PAMR1: variants seen among roughly 807,000 people sequenced by gnomAD.
PAMR1 encodes inactive serine protease PAMR1.
In PAMR1, 88 loss-of-function variants were observed where a neutral mutation model predicts 81.8. That is an observed-to-expected ratio of 1.08 (90% CI 0.91 to 1.28). The LOEUF is 1.28. PAMR1 is among the 50% of genes most tolerant of loss of function. PAMR1 has a pLI of 0.00. For missense variants in PAMR1, 935 were observed against 919.7 expected, an observed-to-expected ratio of 1.02 and a Z score of -0.21; for synonymous variants, 336 against 345.3, an observed-to-expected ratio of 0.97 and a Z score of 0.30.
At chr11:35,486,325 G>GT (rs1233247358) in intron 3 of PAMR1, among the ~76,000 whole-genome samples, 3 of 152,270 alleles carry the variant, frequency 2.0e-5, no homozygotes, top group African/African-American at 7.2e-5. Flanking sequence ...CCATTAGTTT[G>GT]TTTTTTCAAT....
At chr11:35,497,662 T>C (rs1850751916) in intron 1 of PAMR1, among the ~76,000 whole-genome samples, 1 of 152,208 alleles carries the variant, frequency 6.6e-6, no homozygotes, top group South Asian at 2.1e-4. Flanking sequence ...TATATCTTCC[T>C]ATAGGTAAAA....
chr11:35,473,738 C>A (rs569188935), intron 4 of PAMR1, among the ~76,000 whole-genome samples: 1 of 152,240 alleles, frequency 6.6e-6, no homozygotes, highest in South Asian at 2.1e-4. Flanking sequence ...CATGTGGTAA[C>A]CTCTGTGTCC....
chr11:35,530,078 A>AGCCAGAGGAAACAG (rs1163599403), upstream of PAMR1: 27 of 152,376 alleles, frequency 1.8e-4, 1 homozygote, highest in Admixed American at 1.7e-3. Flanking sequence ...ACACTGGGAA[A>AGCCAGAGGAAACAG]GCCAGAGGAA....
chr11:35,497,698 A>G (rs141844784), intron 1 of PAMR1, among the ~76,000 whole-genome samples: 30 of 152,316 alleles, frequency 2.0e-4, no homozygotes, highest in African/African-American at 7.0e-4. Context: ...ATAAACCCTA[A>G]GACCATGTTG....
chr11:35,520,206 G>A (rs1851245894), intron 1 of PAMR1, among the ~76,000 whole-genome samples: 1 of 152,122 alleles, frequency 6.6e-6, no homozygotes, highest in African/African-American at 2.4e-5. Context: ...ATGCCTTGAT[G>A]TGCAACCCCT....
At chr11:35,498,274 G>C in intron 1 of PAMR1, among the ~76,000 whole-genome samples, 1 of 152,146 alleles carries the variant, frequency 6.6e-6, no homozygotes, top group East Asian at 1.9e-4. Flanking sequence ...GAGAGTGAGA[G>C]AGAACAAATT....
Position 35,474,692 on chromosome 11 carries a change from A to T in PAMR1, c.432T>A (p.Tyr144Ter), listed in dbSNP as rs1850254318. 1.2e-6 allele frequency: 2 copies of T among 1,611,086 alleles called. No homozygotes were observed. Among genetic ancestry groups the T allele is most frequent in the East Asian group, 2.2e-5 (1 of 44,768 alleles). Residue 144 changes from tyrosine (Y) to a stop codon, truncating the protein, a stop_gained, in exon 4 of 11, where the codon TAT (tyrosine) becomes TAA (stop). Coordinates refer to ENST00000619888, the MANE Select transcript of PAMR1 (RefSeq NM_001001991.3). LOFTEE classifies it high-confidence loss of function. ...APKGQILLES[Y>*]PLNAHCEWTI... is the part of the protein sequence containing the mutation. ...TCCATTCACAGTGAGCATTTAGGGGATAGCTTTCCAACAAAATCTGACCCT... is the reference window on the plus strand; with the variant it reads ...TCCATTCACAGTGAGCATTTAGGGGTTAGCTTTCCAACAAAATCTGACCCT...
chr11:35,488,503 G>T (rs1317628337), intron 3 of PAMR1, among the ~76,000 whole-genome samples: 1 of 151,464 alleles, frequency 6.6e-6, no homozygotes, highest in East Asian at 1.9e-4. Context: ...TTACAGGTAT[G>T]AGCCACTGCA....
chr11:35,487,073 G>T (rs1462248250), intron 3 of PAMR1, among the ~76,000 whole-genome samples: 1 of 152,030 alleles, frequency 6.6e-6, no homozygotes, highest in African/African-American at 2.4e-5. Context: ...TCCCCTGATG[G>T]TTGCTGTCCC....
intron 6 of PAMR1, among the ~76,000 whole-genome samples, chr11:35,443,371 CCT>C (rs1015886281): frequency 2.6e-5 from 4 of 152,072 alleles, no homozygotes; most frequent in African/African-American, 7.2e-5. Context: ...CTCACAACCC[CCT>C]GATAGGCCCC....
intron 6 of PAMR1, among the ~76,000 whole-genome samples, chr11:35,442,582 CTTT>C (rs1269452496): frequency 6.6e-6 from 1 of 151,796 alleles, no homozygotes; most frequent in Admixed American, 6.6e-5. Context: ...TCCCTACTTT[CTTT>C]TTTCTTTTTT....
intron 6 of PAMR1, among the ~76,000 whole-genome samples, chr11:35,448,362 G>T (rs1455560323): frequency 2.0e-5 from 3 of 150,702 alleles, no homozygotes; most frequent in Non-Finnish European, 4.4e-5. Flanking sequence ...CTCTAATCTT[G>T]TCTGCCTGTC....
chr11:35,489,396 A>C (rs1254468213), intron 3 of PAMR1, among the ~76,000 whole-genome samples: 3 of 151,884 alleles, frequency 2.0e-5, no homozygotes, highest in African/African-American at 7.3e-5. Flanking sequence ...GAGTCCTGTC[A>C]CTCCTTCCTT....
intron 6 of PAMR1, among the ~76,000 whole-genome samples, chr11:35,444,197 T>C (rs1856244313): frequency 6.6e-6 from 1 of 152,158 alleles, no homozygotes; most frequent in Non-Finnish European, 1.5e-5. Flanking sequence ...AATGGGATTT[T>C]TTTTTCTTGT....
chr11:35,473,255 T>C (rs1299179601), intron 4 of PAMR1, among the ~76,000 whole-genome samples: 1 of 152,128 alleles, frequency 6.6e-6, no homozygotes, highest in Admixed American at 6.5e-5. Flanking sequence ...GCTCCAGACT[T>C]AACTAAAGGA....
upstream of PAMR1, among the ~76,000 whole-genome samples, chr11:35,527,193 C>A (rs927815851): frequency 6.6e-6 from 1 of 152,124 alleles, no homozygotes; most frequent in African/African-American, 2.4e-5. Flanking sequence ...CTCAGCAGGC[C>A]TGTGTTCTAA....
rs143939242 is a variant in PAMR1, at chr11:35,435,999, C to A, written c.1237G>T (p.Glu413Ter). ...YQHLHTQLQY[E>*]CISPFYRRLG... The stretch of plus-strand genomic sequence containing the variant: ...CGGCGGTAGAAGGGTGAGATGCACT[C>A]ATACTGGAGCTGGGTATGCAGATGT... The change falls in exon 9 of 11, where the codon GAG becomes TAG. Residue 413 changes from glutamate (E) to a stop codon, truncating the protein, a stop_gained. Transcript: ENST00000619888. LOFTEE classifies it high-confidence loss of function. 6.2e-7 allele frequency: 1 copy of A among 1,614,194 alleles called. No individual in the cohort carries two copies. The highest frequency in any genetic ancestry group is 8.5e-7 in the Non-Finnish European group (1 of 1,180,032).
At chr11:35,517,577 TA>T (rs1247569361) in intron 1 of PAMR1, among the ~76,000 whole-genome samples, 3 of 152,222 alleles carry the variant, frequency 2.0e-5, no homozygotes, top group East Asian at 3.8e-4. Flanking sequence ...TATTTCATTA[TA>T]AAAAATGAAT....
At chr11:35,501,351 T>C (rs1850837193) in intron 1 of PAMR1, among the ~76,000 whole-genome samples, 1 of 151,932 alleles carries the variant, frequency 6.6e-6, no homozygotes, top group South Asian at 2.1e-4. Flanking sequence ...CAGGCTGGTT[T>C]TGAACTCCCG....
Sources: gnomAD v4.1 joint callset for allele counts (sites outside exome capture counted in the v4.1 genomes callset) on GRCh38, gnomAD v4.1.1 for gene constraint, MANE v1.5 for transcripts, NCBI Gene and HGNC (gene_info 2026-07-23, HGNC 2026-07-21) for gene names.